The following CAMK1D variants were observed in gnomAD, a reference collection of about 807,000 sequenced individuals.
The protein encoded by CAMK1D is calcium/calmodulin dependent protein kinase ID.
In CAMK1D, 9 loss-of-function variants were observed where a neutral mutation model predicts 47.7. The ratio of observed to expected loss-of-function variants is 0.19; its 90% CI spans 0.11 to 0.33. The LOEUF is 0.33. CAMK1D is among the 10% of genes least tolerant of loss of function. CAMK1D has a pLI of 1.00. For missense variants in CAMK1D, 291 were observed against 488.7 expected (o/e 0.60, Z 3.81); for synonymous variants, 184 against 184.9 (o/e 0.99, Z 0.04).
intron 3 of CAMK1D, among the ~76,000 whole-genome samples, chr10:12,739,846 C>T (rs777591285): frequency 5.9e-5 from 9 of 152,248 alleles, no homozygotes; most frequent in Non-Finnish European, 1.2e-4. Flanking sequence ...ATCATTTTTC[C>T]TTCCTGTAAC....
At chr10:12,470,323 C>T (rs1195446881) in intron 1 of CAMK1D, among the ~76,000 whole-genome samples, 2 of 152,164 alleles carry the variant, frequency 1.3e-5, no homozygotes, top group Non-Finnish European at 2.9e-5. Context: ...TCCCACCACT[C>T]AGAAATAACC....
chr10:12,681,153 G>GC (rs1179598880), intron 3 of CAMK1D, among the ~76,000 whole-genome samples: 1 of 152,190 alleles, frequency 6.6e-6, no homozygotes, highest in African/African-American at 2.4e-5. Context: ...AAGCAGCACA[G>GC]CCCCACGGCC....
intron 3 of CAMK1D, among the ~76,000 whole-genome samples, chr10:12,736,078 AAT>A (rs1169309890): frequency 6.6e-6 from 1 of 152,220 alleles, no homozygotes; most frequent in Non-Finnish European, 1.5e-5. Flanking sequence ...CAGGTTTTGA[AAT>A]GTGGCCTTTC....
chr10:12,783,005 T>G (rs1203288926), intron 5 of CAMK1D, among the ~76,000 whole-genome samples: 1 of 151,104 alleles, frequency 6.6e-6, no homozygotes, highest in Admixed American at 6.6e-5. Flanking sequence ...TGTTTTTTTT[T>G]TTTTTGAGAC....
At position 12,388,323 on chromosome 10, in the gene CAMK1D, G is replaced by A. The variant is rs185725872; in HGVS notation, c.92+38413G>A. 8.0e-4 allele frequency among the ~76,000 whole-genome samples: 122 copies of A among 152,212 alleles called. 1 individual carries two copies. The highest frequency in any genetic ancestry group is 1.5e-3 in the Non-Finnish European group (102 of 68,028). ...ATTACACGTGTGAGCCACCGTGCCC[G>A]GCCCAAGCCCTTGTTACTGTCGAAT... On this transcript the variant is annotated intron_variant, in intron 1 of 10. Coordinates refer to ENST00000619168, the MANE Select transcript of CAMK1D (RefSeq NM_153498.4).
intron 1 of CAMK1D, among the ~76,000 whole-genome samples, chr10:12,528,404 A>C (rs1835695025): frequency 6.6e-6 from 1 of 152,236 alleles, no homozygotes. Context: ...TTCATTCTGC[A>C]TGTAGGAAAT....
At chr10:12,606,183 T>TGG (rs199589728) in intron 2 of CAMK1D, among the ~76,000 whole-genome samples, 11,230 of 152,278 alleles carry the variant, frequency 0.074, 935 homozygotes, top group African/African-American at 0.2. Flanking sequence ...GAGCCGCGGC[T>TGG]GCTCAGGGAC....
At chr10:12,525,009 C>G (rs1043269618) in intron 1 of CAMK1D, among the ~76,000 whole-genome samples, 2 of 152,004 alleles carry the variant, frequency 1.3e-5, no homozygotes, top group African/African-American at 4.8e-5. Flanking sequence ...TGGATATAGA[C>G]TTTCATTGGA....
chr10:12,527,350 C>CT (rs750670427), intron 1 of CAMK1D, among the ~76,000 whole-genome samples: 38,973 of 84,094 alleles, frequency 0.46, 10,851 homozygotes, highest in South Asian at 0.58. Flanking sequence ...ACTTGACTTG[C>CT]TTTTTTTTTT....
chr10:12,431,413 A>C (rs2131990596), intron 1 of CAMK1D, among the ~76,000 whole-genome samples: 1 of 152,276 alleles, frequency 6.6e-6, no homozygotes, highest in South Asian at 2.1e-4. Flanking sequence ...GGCTGTGATC[A>C]CTCAGTGTCT....
intron 1 of CAMK1D, among the ~76,000 whole-genome samples, chr10:12,552,882 C>T (rs1836630888): frequency 6.6e-6 from 1 of 152,200 alleles, no homozygotes; most frequent in Non-Finnish European, 1.5e-5. Flanking sequence ...GCTGGAATTA[C>T]AGGTGCGTGC....
chr10:12,811,990 A>G (rs1832625278), intron 6 of CAMK1D, among the ~76,000 whole-genome samples: 1 of 152,236 alleles, frequency 6.6e-6, no homozygotes, highest in Admixed American at 6.5e-5. Flanking sequence ...CCAGGCTCTT[A>G]GTCCCTAAGG....
chr10:12,437,509 T>G (rs933879231), intron 1 of CAMK1D, among the ~76,000 whole-genome samples: 5 of 152,166 alleles, frequency 3.3e-5, no homozygotes, highest in Admixed American at 6.5e-5. Context: ...CTTTAGTTTT[T>G]AAAGCATTTT....
intron 5 of CAMK1D, among the ~76,000 whole-genome samples, chr10:12,790,323 G>A (rs1256181241): frequency 1.3e-5 from 2 of 152,208 alleles, no homozygotes; most frequent in Non-Finnish European, 2.9e-5. Context: ...CAGAGGGTAG[G>A]CCTTAGCTCT....
chr10:12,544,825 T>G (rs1836309944), intron 1 of CAMK1D, among the ~76,000 whole-genome samples: 1 of 125,290 alleles, frequency 8.0e-6, no homozygotes, highest in African/African-American at 3.0e-5. Flanking sequence ...TGGATAGTAC[T>G]AGTGTTAAGT....
intron 2 of CAMK1D, among the ~76,000 whole-genome samples, chr10:12,618,262 T>G (rs10752268): frequency 0.8 from 121,243 of 151,748 alleles, 50,798 homozygotes; most frequent in Non-Finnish European, 0.91. Context: ...TTTTTCATTT[T>G]GTGGTGTGCA....
chr10:12,774,382 A>G (rs765872560), intron 5 of CAMK1D, among the ~76,000 whole-genome samples: 1 of 152,078 alleles, frequency 6.6e-6, no homozygotes, highest in Non-Finnish European at 1.5e-5. Context: ...AGGGCATTCC[A>G]GGCCCAGTGC....
chr10:12,794,644 C>T (rs529488443), intron 6 of CAMK1D, among the ~76,000 whole-genome samples: 51 of 152,186 alleles, frequency 3.4e-4, no homozygotes, highest in African/African-American at 1.1e-3. Flanking sequence ...TAGCTTTGCC[C>T]CAGAGACTAG....
intron 1 of CAMK1D, among the ~76,000 whole-genome samples, chr10:12,381,332 A>G (rs1193194980): frequency 1.3e-5 from 2 of 148,614 alleles, no homozygotes; most frequent in Non-Finnish European, 3.0e-5. Context: ...CTAGAAAATC[A>G]TAATGCTTTC....
Sources: gnomAD v4.1 joint callset for allele counts (sites outside exome capture counted in the v4.1 genomes callset) on GRCh38, gnomAD v4.1.1 for gene constraint, MANE v1.5 for transcripts, NCBI Gene and HGNC (gene_info 2026-07-23, HGNC 2026-07-21) for gene names.